ZNF618: variants seen among roughly 807,000 people sequenced by gnomAD.
ZNF618 encodes the protein neural precursor cell expressed, developmentally down-regulated 10.
Under a neutral mutation model 103.0 loss-of-function variants are expected in ZNF618, and 34 were observed. That is an observed-to-expected ratio of 0.33 (90% CI 0.25 to 0.44). The LOEUF (loss-of-function observed/expected upper bound fraction) is 0.44. Ranked by LOEUF, ZNF618 falls within the 20% of genes least tolerant of loss-of-function variation. The probability of loss-of-function intolerance (pLI) is 1.00; values close to 1 mark genes in which losing one functional copy is unlikely to be tolerated. For missense variants in ZNF618, 1,059 were observed against 1,295.4 expected (o/e 0.82, Z 2.80); for synonymous variants, 551 against 542.2 (o/e 1.02, Z -0.23).
At chr9:113,938,002 A>G (rs530883945) in intron 1 of ZNF618, among the ~76,000 whole-genome samples, 4 of 151,958 alleles carry the variant, frequency 2.6e-5, no homozygotes, top group African/African-American at 9.7e-5. Flanking sequence ...CTTTATATCA[A>G]CTCCACAAGG....
intron 1 of ZNF618, among the ~76,000 whole-genome samples, chr9:113,951,882 C>G (rs939278492): frequency 3.9e-5 from 6 of 152,006 alleles, no homozygotes; most frequent in African/African-American, 1.5e-4. Context: ...AGATGGGACT[C>G]AAGTTGCCAC....
At chr9:114,001,893 CT>C (rs900855390) in intron 4 of ZNF618, 102 bp from the exon 5 acceptor site, 3 of 1,010,182 alleles carry the variant, frequency 3.0e-6, no homozygotes, top group African/African-American at 3.1e-5. Context: ...ATCTCTGCCC[CT>C]GGGACAGAGA....
chr9:113,992,215 A>G (rs1840136497), intron 3 of ZNF618, among the ~76,000 whole-genome samples: 1 of 152,122 alleles, frequency 6.6e-6, no homozygotes, highest in Non-Finnish European at 1.5e-5. Context: ...CCCTGGATGT[A>G]GAAGTGGGCA....
intron 1 of ZNF618, among the ~76,000 whole-genome samples, chr9:113,941,222 A>G (rs1190340981): frequency 6.6e-6 from 1 of 151,888 alleles, no homozygotes; most frequent in Non-Finnish European, 1.5e-5. Flanking sequence ...CAAATATTTG[A>G]CCTCCAAGGG....
At chr9:113,895,832 C>A (rs1265054342) in intron 1 of ZNF618, among the ~76,000 whole-genome samples, 2 of 152,070 alleles carry the variant, frequency 1.3e-5, no homozygotes, top group African/African-American at 4.8e-5. Flanking sequence ...TAAACTCTGT[C>A]TTGTCAGGTT....
chr9:114,002,736 C>T, intron 6 of ZNF618, 74 bp downstream of exon 6: 1 of 1,543,718 alleles, frequency 6.5e-7, no homozygotes. Context: ...GCTGCTTGTC[C>T]CCTCCCCCAG....
At chr9:114,004,533 G>A (rs532879184) in intron 6 of ZNF618, among the ~76,000 whole-genome samples, 11 of 152,352 alleles carry the variant, frequency 7.2e-5, no homozygotes, top group African/African-American at 1.7e-4. Flanking sequence ...TCTGGCTTCC[G>A]TTGTCCGCGG....
intron 1 of ZNF618, among the ~76,000 whole-genome samples, chr9:113,963,785 C>G (rs182799215): frequency 6.6e-6 from 1 of 152,308 alleles, no homozygotes; most frequent in East Asian, 1.9e-4. Flanking sequence ...AGTATTTGCC[C>G]TGTGCCAGGC....
chr9:113,934,560 A>C (rs918330971), intron 1 of ZNF618, among the ~76,000 whole-genome samples: 1 of 152,208 alleles, frequency 6.6e-6, no homozygotes, highest in Non-Finnish European at 1.5e-5. Context: ...CTGTCCTTAC[A>C]TGGGGAAGAT....
At chr9:113,929,019 C>G (rs376879463) in intron 1 of ZNF618, among the ~76,000 whole-genome samples, 53 of 152,272 alleles carry the variant, frequency 3.5e-4, no homozygotes, top group Middle Eastern at 6.8e-3. Context: ...ACAGCACACT[C>G]TATGCTATTT....
intron 2 of ZNF618, among the ~76,000 whole-genome samples, chr9:113,973,220 G>A (rs1362399036): frequency 2.6e-5 from 4 of 152,194 alleles, no homozygotes; most frequent in Admixed American, 1.3e-4. Context: ...GAGAAATGAA[G>A]GGCCTGAAGT....
At chr9:114,002,172 A>T in intron 5 of ZNF618, 99 bp downstream of exon 5, 1 of 1,051,944 alleles carries the variant, frequency 9.5e-7, no homozygotes, top group South Asian at 1.3e-5. Flanking sequence ...AGAGGCCCTG[A>T]CAGCTCCAGC....
rs368477342 is a variant in ZNF618 at position 113,940,585 on chromosome 9, GT to G, written c.34-28531del. Among the ~76,000 whole-genome samples the G allele has an allele frequency of 9.0e-3, 1,330 of 148,140 alleles. 18 individuals are homozygous for G. Among genetic ancestry groups the G allele is most frequent in the Middle Eastern group, 0.028 (8 of 286 alleles). ...TTATGTCAGTTAAAATTTTGGGGGG[GT>G]GGTTCTTGATAATTATTTTGTTTGC... On this transcript the variant is annotated intron_variant, in intron 1 of 14. Coordinates refer to ENST00000374126, the MANE Select transcript of ZNF618 (RefSeq NM_001318042.2).
At chr9:113,989,848 C>A (rs1839860797) in intron 3 of ZNF618, among the ~76,000 whole-genome samples, 1 of 152,248 alleles carries the variant, frequency 6.6e-6, no homozygotes, top group African/African-American at 2.4e-5. Flanking sequence ...ATGGCAGCAT[C>A]CTGCTAACAG....
intron 1 of ZNF618, among the ~76,000 whole-genome samples, chr9:113,894,825 G>A (rs1354955203): frequency 6.6e-6 from 1 of 152,118 alleles, no homozygotes; most frequent in Non-Finnish European, 1.5e-5. Flanking sequence ...ATAATTTATT[G>A]TATTACCTTC....
At chr9:114,008,299 TTTG>T in intron 7 of ZNF618, 42 bp from the exon 8 acceptor site, 1 of 1,611,202 alleles carries the variant, frequency 6.2e-7, no homozygotes, top group South Asian at 1.1e-5. Context: ...AGGGCTCCTG[TTTG>T]TTTCTTTCCT....
At chr9:114,043,605 G>T (rs1362008491) in intron 13 of ZNF618, among the ~76,000 whole-genome samples, 1 of 152,140 alleles carries the variant, frequency 6.6e-6, no homozygotes, top group Non-Finnish European at 1.5e-5. Flanking sequence ...TCTACTTTTA[G>T]GTCTTTAAGG....
intron 1 of ZNF618, among the ~76,000 whole-genome samples, chr9:113,967,774 G>A (rs16911068): frequency 0.023 from 1,481 of 64,626 alleles, 69 homozygotes; most frequent in Admixed American, 0.16. Context: ...GTGGATGCCC[G>A]CTGGGACCAG....
intron 1 of ZNF618, among the ~76,000 whole-genome samples, chr9:113,968,894 G>A (rs1298287242): frequency 6.6e-6 from 1 of 152,176 alleles, no homozygotes; most frequent in Non-Finnish European, 1.5e-5. Flanking sequence ...GGTGCTCAGT[G>A]GGATTTAAAG....
Sources: gnomAD v4.1 joint callset for allele counts (sites outside exome capture counted in the v4.1 genomes callset) on GRCh38, gnomAD v4.1.1 for gene constraint, MANE v1.5 for transcripts, NCBI Gene and HGNC (gene_info 2026-07-23, HGNC 2026-07-21) for gene names.